ECEL1: variants seen among roughly 807,000 people sequenced by gnomAD.
ECEL1 encodes endothelin converting enzyme like 1.
ECEL1 carries 87 observed loss-of-function variants against 101.8 expected under a neutral mutation model. That is an observed-to-expected ratio of 0.85 (90% CI 0.72 to 1.02). The LOEUF (loss-of-function observed/expected upper bound fraction) is 1.02. Ranked by LOEUF, ECEL1 falls within the 50% of genes least tolerant of loss-of-function variation. ECEL1 has a pLI of 0.00. For synonymous variants in ECEL1, 487 were observed against 468.7 expected, an observed-to-expected ratio of 1.04 and a Z score of -0.50; for missense variants, 1,032 against 1,079.2, an observed-to-expected ratio of 0.96 and a Z score of 0.61.
chr2:232,486,818 G>A (rs973527975), intron 1 of ECEL1, 64 bp from the exon 2 acceptor site: 4 of 693,976 alleles, frequency 5.8e-6, no homozygotes, highest in African/African-American at 5.7e-5. Context: ...GGGTCACCGC[G>A]AGGAGGGACA....
At position 232,484,079 on chromosome 2, in the gene ECEL1, G is replaced by A. The variant is rs1690656326; in HGVS notation, c.1329C>T (p.Gly443=). 1 of 1,613,788 alleles carries A rather than the reference G, an allele frequency of 6.2e-7. No individual in the cohort carries two copies. Among genetic ancestry groups the A allele is most frequent in the Non-Finnish European group, 8.5e-7 (1 of 1,179,942 alleles). Residue 443 remains glycine, a synonymous_variant, in exon 7 of 18, where the codon GGC becomes GGT. Coordinates refer to ENST00000304546, the MANE Select transcript of ECEL1 (RefSeq NM_004826.4). ...CCATGCCAAAGTGGCGATTGGCCTGGCCCAAGCAGACCCGGGCCAGCTCCT... is the reference window on the plus strand; with the variant it reads ...CCATGCCAAAGTGGCGATTGGCCTGACCCAAGCAGACCCGGGCCAGCTCCT... The part of the protein sequence containing the change: ...KPQELARVCL[G]QANRHFGMAL...
chr2:232,487,350 C>T (rs1690756472), intron 1 of ECEL1, among the ~76,000 whole-genome samples: 1 of 152,278 alleles, frequency 6.6e-6, no homozygotes, highest in African/African-American at 2.4e-5. Context: ...CCCAGGGTGG[C>T]GGACACACAA....
At position 232,486,414 on chromosome 2, in the gene ECEL1, C is replaced by T. The variant is rs1690729961; in HGVS notation, c.240G>A (p.Leu80=). ...CGACCGGGCCCAGGTACTTGAGGGC[C>T]AGCATAGCCGCCAGAATGGCGCAGA... ...AGLCAILAAM[L]ALKYLGPVAA... is the part of the protein sequence containing the mutation. The change falls in exon 2 of 18, where the codon CTG becomes CTA. Residue 80 remains leucine, a synonymous_variant. Transcript: ENST00000304546. 2 of 1,467,348 alleles carry T rather than the reference C, an allele frequency of 1.4e-6. No individual in the cohort carries two copies. Among genetic ancestry groups the T allele is most frequent in the South Asian group, 1.3e-5 (1 of 74,632 alleles). The allele number at this position is 1,467,348 out of a possible 1,614,324, so 90.9% of individuals were successfully genotyped here. A position where few individuals can be genotyped will look rare whatever the true frequency, so the allele number is the denominator to read the frequency against.
chr2:232,485,636 T>C (rs1014274677), intron 2 of ECEL1, among the ~76,000 whole-genome samples: 1 of 152,216 alleles, frequency 6.6e-6, no homozygotes, highest in Non-Finnish European at 1.5e-5. Flanking sequence ...GCCAGAGGGC[T>C]GGGAAATTGC....
At chr2:232,483,896 T>C in intron 7 of ECEL1, 105 bp downstream of exon 7, 1 of 1,288,708 alleles carries the variant, frequency 7.8e-7, no homozygotes. Flanking sequence ...CTGGTCCCCC[T>C]GCCTGCAGGG....
chr2:232,486,329 C>A lies in ECEL1; in HGVS notation c.325G>T (p.Ala109Ser). 2 of 1,566,240 alleles carry A rather than the reference C, an allele frequency of 1.3e-6. No individual in the cohort carries two copies. Among genetic ancestry groups the A allele is most frequent in the Non-Finnish European group, 1.7e-6 (2 of 1,164,408 alleles). The change falls in exon 2 of 18, where the codon GCT (alanine) becomes TCT (serine). Residue 109 changes from alanine to serine, a missense_variant. Physicochemically the swap from Ala to Ser is moderately conservative, Grantham distance 99. Transcript: ENST00000304546. ...CPERKAFARA[A>S]RFLAANLDAS... ...TCCAGGTTGGCGGCCAGGAAGCGAG[C>A]GGCGCGCGCGAAGGCCTTGCGCTCA...
chr2:232,486,318 C>A lies in ECEL1; in HGVS notation c.336G>T (p.Leu112=). Reference sequence around the variant, plus strand: ...CGATGCTGGCGTCCAGGTTGGCGGCCAGGAAGCGAGCGGCGCGCGCGAAGG... The same window carrying A: ...CGATGCTGGCGTCCAGGTTGGCGGCAAGGAAGCGAGCGGCGCGCGCGAAGG... ...RKAFARAARF[L]AANLDASIDP... Residue 112 remains leucine (L), a synonymous_variant, in exon 2 of 18, where the codon CTG becomes CTT. Coordinates refer to ENST00000304546, the MANE Select transcript of ECEL1 (RefSeq NM_004826.4). The A allele has an allele frequency of 1.3e-6, 2 of 1,579,890 alleles. No individual in the cohort carries two copies. Among genetic ancestry groups the A allele is most frequent in the Admixed American group, 1.7e-5 (1 of 57,484 alleles).
chr2:232,483,667 C>G (rs1408244377), intron 7 of ECEL1, among the ~76,000 whole-genome samples, 153 bp from the exon 8 acceptor site: 1 of 152,212 alleles, frequency 6.6e-6, no homozygotes, highest in Admixed American at 6.5e-5. Flanking sequence ...AGGATCCAGG[C>G]CCTGCACCCC....
intron 10 of ECEL1, 27 bp downstream of exon 10, chr2:232,482,824 A>G: frequency 6.2e-7 from 1 of 1,610,450 alleles, no homozygotes; most frequent in Non-Finnish European, 8.5e-7. Context: ...CCCTTCCCTG[A>G]CCCCCAGCTC....
At position 232,480,702 on chromosome 2, in the gene ECEL1, C is replaced by A; in HGVS notation, c.2151+16G>T. 3 of 1,613,330 alleles carry A rather than the reference C, an allele frequency of 1.9e-6. No individual in the cohort carries two copies. Among genetic ancestry groups the A allele is most frequent in the Non-Finnish European group, 2.5e-6 (3 of 1,179,496 alleles). The stretch of plus-strand genomic sequence containing the variant: ...CCCACCCCAAGGCTCCCAGTCCAAT[C>A]CCCCACCCAGCCCACCTGGGCAAAG... On this transcript the variant is annotated intron_variant, in intron 16 of 17. Coordinates refer to ENST00000304546, the MANE Select transcript of ECEL1 (RefSeq NM_004826.4).
intron 12 of ECEL1, 152 bp downstream of exon 12, chr2:232,482,266 A>T: frequency 1.0e-6 from 1 of 962,042 alleles, no homozygotes; most frequent in Non-Finnish European, 1.6e-6. Flanking sequence ...CCAAGGATGT[A>T]GTGGGGAGCC....
In ECEL1 at chr2:232,482,452, G is replaced by A; in HGVS notation, c.1762C>T (p.Leu588=). 1 of 1,613,996 alleles carries A rather than the reference G, an allele frequency of 6.2e-7. No homozygotes were observed. Among genetic ancestry groups the A allele is most frequent in the South Asian group, 1.1e-5 (1 of 91,084 alleles). The change falls in exon 12 of 18, where the codon CTG becomes TTG. Residue 588 remains leucine, a synonymous_variant. Coordinates refer to ENST00000304546, the MANE Select transcript of ECEL1 (RefSeq NM_004826.4). ...TCAGGGTCGTACAGGGTGGGCTGCAGGATGCCCGCGGGGAACACTACAAGA... is the reference window on the plus strand; with the variant it reads ...TCAGGGTCGTACAGGGTGGGCTGCAAGATGCCCGCGGGGAACACTACAAGA... ...KNQMVFPAGI[L]QPTLYDPDFP...
In ECEL1 at chr2:232,484,597, CTG is replaced by C; in HGVS notation, c.1060-3_1060-2del. The stretch of plus-strand genomic sequence containing the variant: ...GGTCTAGCAGCCACTTCCACCGCAA[CTG>C]TGAGACCAAGGACAGGGACAGTGAG... On this transcript the variant is annotated splice_acceptor_variant and splice_polypyrimidine_tract_variant and intron_variant, in intron 5 of 17. Coordinates refer to ENST00000304546, the MANE Select transcript of ECEL1 (RefSeq NM_004826.4). LOFTEE classifies it high-confidence loss of function. 3.7e-6 allele frequency: 6 copies of C among 1,613,902 alleles called. No homozygotes were observed. Among genetic ancestry groups the C allele is most frequent in the Non-Finnish European group, 5.1e-6 (6 of 1,180,008 alleles).
At chr2:232,486,852 G>T in intron 1 of ECEL1, 98 bp from the exon 2 acceptor site, 1 of 482,944 alleles carries the variant, frequency 2.1e-6, no homozygotes, top group Non-Finnish European at 3.3e-6. Flanking sequence ...AGAGGCCCCA[G>T]CCGCGGGCCT....
chr2:232,482,924 T>C lies in ECEL1; in HGVS notation c.1612A>G (p.Asn538Asp). ...CTGAAGCGGATGCTGTTCAAGATGT[T>C]CTTGAAGTAGGTCTTCTCATGGACC... ...FEVHEKTYFKNILNSIRFSIQ... is the reference protein window; with the variant it reads ...FEVHEKTYFKDILNSIRFSIQ... The change falls in exon 10 of 18, where the codon AAC (asparagine) becomes GAC (aspartate). Residue 538 changes from asparagine (N) to aspartate (D), a missense_variant. Coordinates refer to ENST00000304546, the MANE Select transcript of ECEL1 (RefSeq NM_004826.4). 6.2e-7 allele frequency: 1 copy of C among 1,614,166 alleles called. No individual in the cohort carries two copies. The highest frequency in any genetic ancestry group is 8.5e-7 in the Non-Finnish European group (1 of 1,180,044).
intron 1 of ECEL1, among the ~76,000 whole-genome samples, 152 bp downstream of exon 1, chr2:232,487,567 A>G (rs1465641184): frequency 6.6e-6 from 1 of 151,618 alleles, no homozygotes; most frequent in Non-Finnish European, 1.5e-5. Flanking sequence ...GCGGAGCCCG[A>G]GAGCCGAGCC....
chr2:232,486,082 C>A lies in ECEL1; in HGVS notation c.572G>T (p.Arg191Leu), dbSNP rs764542109. ...RAFFRSCLDM[R>L]EIERLGPRPM... is the part of the protein sequence containing the mutation. Reference sequence around the variant, plus strand: ...TCGCGGGCCCAGTCGCTCGATCTCGCGCATGTCGAGGCACGAGCGGAAGAA... The same window carrying A: ...TCGCGGGCCCAGTCGCTCGATCTCGAGCATGTCGAGGCACGAGCGGAAGAA... Residue 191 changes from arginine to leucine, a missense_variant, in exon 2 of 18, where the codon CGC becomes CTC. Coordinates refer to ENST00000304546, the MANE Select transcript of ECEL1 (RefSeq NM_004826.4). The A allele has an allele frequency of 1.2e-6, 2 of 1,601,638 alleles. No individual in the cohort carries two copies. Among genetic ancestry groups the A allele is most frequent in the African/African-American group, 2.7e-5 (2 of 74,686 alleles).
Position 232,480,036 on chromosome 2 carries a change from G to C in ECEL1, c.*117C>G. 1 of 974,834 alleles carries C rather than the reference G, an allele frequency of 1.0e-6. No homozygotes were observed. The highest frequency in any genetic ancestry group is 2.2e-5 in the Admixed American group (1 of 44,914). The allele number at this position is 974,834 out of a possible 1,614,324, so 60.4% of individuals were successfully genotyped here. On this transcript the variant is annotated 3_prime_UTR_variant, in exon 18 of 18. Coordinates refer to ENST00000304546, the MANE Select transcript of ECEL1 (RefSeq NM_004826.4). ...CAGCAGGGGGACCGGGTCCTGGAGG[G>C]GCTGGAAGGCAGGTGGTGCCCAGAG...
In ECEL1 at chr2:232,486,051, C is replaced by A; in HGVS notation, c.603G>T (p.Met201Ile). Reference protein sequence around the residue: ...REIERLGPRPMLEVIEDCGGW... With the variant: ...REIERLGPRPILEVIEDCGGW... ...CCCCGCAGTCCTCGATGACCTCTAG[C>A]ATGGGTCGCGGGCCCAGTCGCTCGA... The change falls in exon 2 of 18, where the codon ATG becomes ATT. Residue 201 changes from methionine to isoleucine, a missense_variant. By Grantham distance (10) the Met-to-Ile change is conservative. Transcript: ENST00000304546. 1 of 1,608,318 alleles carries A rather than the reference C, an allele frequency of 6.2e-7. No individual in the cohort carries two copies. Among genetic ancestry groups the A allele is most frequent in the Non-Finnish European group, 8.5e-7 (1 of 1,178,300 alleles).
Sources: allele counts gnomAD v4.1 joint callset (sites outside exome capture counted in the v4.1 genomes callset), GRCh38; gene constraint gnomAD v4.1.1; transcripts MANE v1.5; gene names NCBI Gene and HGNC (gene_info 2026-07-23, HGNC 2026-07-21).